The following DPP10 variants were observed in gnomAD, a reference collection of about 807,000 sequenced individuals.
The protein encoded by DPP10 is dipeptidyl peptidase like 10, also known as inactive dipeptidyl peptidase 10.
Under a neutral mutation model 120.9 loss-of-function variants are expected in DPP10, and 33 were observed. The observed-to-expected ratio is 0.27, with a 90% CI of 0.21 to 0.37. The LOEUF (loss-of-function observed/expected upper bound fraction) is 0.37, where lower values mean the gene tolerates loss of function less well. Ranked by LOEUF, DPP10 falls within the 10% of genes least tolerant of loss-of-function variation. The pLI is 1.00. For missense variants in DPP10, 816 were observed against 942.8 expected (o/e 0.87, Z 1.76); for synonymous variants, 337 against 326.1 (o/e 1.03, Z -0.36).
intron 5 of DPP10, among the ~76,000 whole-genome samples, chr2:115,569,336 G>T (rs928917278): frequency 6.6e-6 from 1 of 152,174 alleles, no homozygotes; most frequent in African/African-American, 2.4e-5. Flanking sequence ...AAGTTTGTTG[G>T]CTAATGTATT....
chr2:115,416,294 T>C (rs1441499534), intron 3 of DPP10, among the ~76,000 whole-genome samples: 5 of 152,106 alleles, frequency 3.3e-5, no homozygotes, highest in African/African-American at 4.8e-5. Flanking sequence ...TGGTGTGACA[T>C]TGAGTATACT....
chr2:115,220,621 A>G (rs556346035), intron 1 of DPP10, among the ~76,000 whole-genome samples: 73 of 152,320 alleles, frequency 4.8e-4, no homozygotes, highest in Admixed American at 4.8e-3. Flanking sequence ...TTTGCAGACA[A>G]TTATGTATTG....
intron 3 of DPP10, among the ~76,000 whole-genome samples, chr2:115,449,958 A>T (rs549260618): frequency 6.6e-6 from 1 of 152,142 alleles, no homozygotes; most frequent in African/African-American, 2.4e-5. Flanking sequence ...AATCTAGAGG[A>T]GTGGTTTTAC....
At chr2:115,344,322 C>G (rs1032112528) in intron 3 of DPP10, among the ~76,000 whole-genome samples, 8 of 152,108 alleles carry the variant, frequency 5.3e-5, no homozygotes, top group Non-Finnish European at 7.4e-5. Flanking sequence ...GCTGCTCTCT[C>G]ATGATCATTA....
rs542038134 is a variant in DPP10, at chr2:114,950,898, T to G, written c.61-358341T>G. Among the ~76,000 whole-genome samples, 4 of 152,298 alleles carry G rather than the reference T, an allele frequency of 2.6e-5. No individual in the cohort carries two copies. The South Asian group carries it at 8.3e-4, about 32-fold the overall frequency. ...GCCCCTGGACCACTTATTTGGTAGG[T>G]TGGCCTAACATTTACATTTATGTCA... On this transcript the variant is annotated intron_variant, in intron 1 of 25. Coordinates refer to ENST00000410059, the MANE Select transcript of DPP10 (RefSeq NM_020868.6).
intron 3 of DPP10, among the ~76,000 whole-genome samples, chr2:115,371,778 TA>T (rs1170183232): frequency 3.3e-5 from 5 of 152,230 alleles, no homozygotes; most frequent in African/African-American, 1.2e-4. Flanking sequence ...AGTCTACTAT[TA>T]ATAGAGGAAA....
chr2:115,778,988 CAT>C (rs1340455578), intron 15 of DPP10, among the ~76,000 whole-genome samples: 9 of 152,048 alleles, frequency 5.9e-5, no homozygotes, highest in Non-Finnish European at 1.3e-4. Flanking sequence ...TTTCTTGAAA[CAT>C]ACATTATGAT....
intron 1 of DPP10, among the ~76,000 whole-genome samples, chr2:114,582,152 C>CT (rs772916351): frequency 1.2e-3 from 187 of 152,288 alleles, no homozygotes; most frequent in Non-Finnish European, 2.5e-3. Flanking sequence ...AACCACTGAT[C>CT]TTTTTATGTC....
chr2:114,919,062 C>A (rs1315439209), intron 1 of DPP10, among the ~76,000 whole-genome samples: 2 of 143,642 alleles, frequency 1.4e-5, no homozygotes, highest in African/African-American at 5.2e-5. Flanking sequence ...AAAGACCTTT[C>A]TGATGGATTA....
intron 5 of DPP10, among the ~76,000 whole-genome samples, chr2:115,665,010 T>G (rs1189486575): frequency 6.6e-6 from 1 of 152,212 alleles, no homozygotes; most frequent in Non-Finnish European, 1.5e-5. Context: ...AACATTTATA[T>G]CATTGAGGGA....
At chr2:115,515,610 A>G (rs1356393788) in intron 4 of DPP10, among the ~76,000 whole-genome samples, 2 of 152,134 alleles carry the variant, frequency 1.3e-5, no homozygotes, top group East Asian at 3.9e-4. Flanking sequence ...TCTAACTGGA[A>G]TTATTCATTC....
intron 1 of DPP10, among the ~76,000 whole-genome samples, chr2:114,819,208 T>C (rs1220721620): frequency 6.6e-6 from 1 of 152,140 alleles, no homozygotes; most frequent in Non-Finnish European, 1.5e-5. Context: ...TAAGCTTTTT[T>C]TTTTTTTTAG....
At chr2:114,689,851 AT>A (rs1699619335) in intron 1 of DPP10, among the ~76,000 whole-genome samples, 1 of 150,176 alleles carries the variant, frequency 6.7e-6, no homozygotes, top group African/African-American at 2.5e-5. Context: ...TTTTTTTTTC[AT>A]ATGTTGGTTG....
intron 1 of DPP10, among the ~76,000 whole-genome samples, chr2:115,263,577 A>C (rs1286709686): frequency 6.7e-6 from 1 of 149,990 alleles, no homozygotes; most frequent in Non-Finnish European, 1.5e-5. Flanking sequence ...TCTATAGAAT[A>C]TGTGCTATTC....
At chr2:115,536,372 GTGA>G (rs2078840499) in intron 5 of DPP10, among the ~76,000 whole-genome samples, 2 of 151,762 alleles carry the variant, frequency 1.3e-5, no homozygotes, top group Admixed American at 6.6e-5. Context: ...TTTTCATGTG[GTGA>G]TATCATAATT....
chr2:115,187,688 T>C (rs942821385), intron 1 of DPP10, among the ~76,000 whole-genome samples: 4 of 152,034 alleles, frequency 2.6e-5, no homozygotes, highest in African/African-American at 9.7e-5. Flanking sequence ...TGAAATATAA[T>C]GTAGTGGGTG....
At chr2:115,022,295 G>T (rs1490921213) in intron 1 of DPP10, among the ~76,000 whole-genome samples, 2 of 151,818 alleles carry the variant, frequency 1.3e-5, no homozygotes, top group African/African-American at 4.8e-5. Flanking sequence ...TCCTACAAAG[G>T]GTAAATAAAT....
chr2:115,678,306 G>T (rs946197424), intron 5 of DPP10, among the ~76,000 whole-genome samples: 1 of 152,206 alleles, frequency 6.6e-6, no homozygotes, highest in Non-Finnish European at 1.5e-5. Context: ...TCATGGGCCA[G>T]GCCCGGGGCC....
chr2:115,002,510 T>C (rs1701510316), intron 1 of DPP10, among the ~76,000 whole-genome samples: 1 of 145,360 alleles, frequency 6.9e-6, no homozygotes, highest in Admixed American at 7.0e-5. Flanking sequence ...AAAACAAAAA[T>C]TGATAAATGG....
Sources: allele counts gnomAD v4.1 joint callset (sites outside exome capture counted in the v4.1 genomes callset), GRCh38; gene constraint gnomAD v4.1.1; transcripts MANE v1.5; gene names NCBI Gene and HGNC (gene_info 2026-07-23, HGNC 2026-07-21).